ERI3: variants seen among roughly 807,000 people sequenced by gnomAD.
The protein encoded by ERI3 is ERI1 exoribonuclease 3.
A neutral mutation model predicts 44.4 loss-of-function variants in ERI3; 18 were observed. That is an observed-to-expected ratio of 0.41 (90% CI 0.28 to 0.60). ERI3 has a LOEUF of 0.60. Among genes scored for constraint, ERI3 ranks in the 20% least tolerant of loss-of-function variants. The probability of loss-of-function intolerance (pLI) is 0.36; values close to 1 mark genes in which losing one functional copy is unlikely to be tolerated. For missense variants in ERI3, 294 were observed against 435.5 expected (o/e 0.68, Z 2.89); for synonymous variants, 183 against 164.8 (o/e 1.11, Z -0.84).
At chr1:44,354,535 G>A in intron 1 of ERI3, 1 of 985,276 alleles carries the variant, frequency 1.0e-6, no homozygotes, top group Non-Finnish European at 1.2e-6. Context: ...TACTACCACC[G>A]CTTCAGATTT....
At chr1:44,314,085 T>A (rs1164059048) in intron 4 of ERI3, among the ~76,000 whole-genome samples, 1 of 151,406 alleles carries the variant, frequency 6.6e-6, no homozygotes, top group South Asian at 2.1e-4. Flanking sequence ...CCCCAGCATG[T>A]CCCTGGCTAC....
At chr1:44,319,502 G>C (rs1572269327) in intron 4 of ERI3, 126 bp downstream of exon 4, 1 of 660,628 alleles carries the variant, frequency 1.5e-6, no homozygotes, top group Non-Finnish European at 2.7e-6. Flanking sequence ...TAACTGCTAG[G>C]TCTAGTGTGC....
At chr1:44,306,464 G>A (rs1645835232) in intron 6 of ERI3, among the ~76,000 whole-genome samples, 1 of 152,142 alleles carries the variant, frequency 6.6e-6, no homozygotes, top group South Asian at 2.1e-4. Context: ...TATATGGTTG[G>A]GTTCCACAAC....
At chr1:44,335,584 A>G (rs1027735756) in intron 3 of ERI3, among the ~76,000 whole-genome samples, 1 of 151,980 alleles carries the variant, frequency 6.6e-6, no homozygotes, top group Non-Finnish European at 1.5e-5. Flanking sequence ...ACATGGAGAA[A>G]GCCGACCTCC....
chr1:44,318,270 G>C (rs1038519508), intron 4 of ERI3, among the ~76,000 whole-genome samples: 1 of 152,194 alleles, frequency 6.6e-6, no homozygotes, highest in Non-Finnish European at 1.5e-5. Flanking sequence ...GCCTGTCTAC[G>C]TAAGGACAAG....
intron 7 of ERI3, among the ~76,000 whole-genome samples, chr1:44,268,085 T>C (rs1454228784): frequency 6.6e-6 from 1 of 152,214 alleles, no homozygotes; most frequent in Non-Finnish European, 1.5e-5. Flanking sequence ...GAATTCAAAA[T>C]AATTTTTAAC....
At chr1:44,250,518 G>C (rs576539420) in intron 7 of ERI3, among the ~76,000 whole-genome samples, 2 of 152,324 alleles carry the variant, frequency 1.3e-5, no homozygotes, top group South Asian at 4.1e-4. Flanking sequence ...CTGGGCCCTT[G>C]GCAGGAAAGC....
At chr1:44,349,969 C>T (rs907850151) in intron 2 of ERI3, among the ~76,000 whole-genome samples, 2 of 152,194 alleles carry the variant, frequency 1.3e-5, no homozygotes, top group Non-Finnish European at 2.9e-5. Flanking sequence ...AAATACAATA[C>T]TTTATTTGGT....
At position 44,270,160 on chromosome 1, in the gene ERI3, C is replaced by A. The variant is rs374488243; in HGVS notation, c.831+14675G>T. ...GCAAAATCAAAAGAAGGGGAAAAAACACACACACACACAAAAGAAACCCTG... is the reference window on the plus strand; with the variant it reads ...GCAAAATCAAAAGAAGGGGAAAAAAAACACACACACACAAAAGAAACCCTG... On this transcript the variant is annotated intron_variant, in intron 7 of 8. Coordinates refer to ENST00000372257, the MANE Select transcript of ERI3 (RefSeq NM_024066.3). Among the ~76,000 whole-genome samples, 53 of 151,994 alleles carry A rather than the reference C, an allele frequency of 3.5e-4. 1 individual carries two copies. The East Asian group carries it at 7.3e-3, about 21-fold the overall frequency.
At chr1:44,232,151 C>G (rs1028262124) in intron 8 of ERI3, among the ~76,000 whole-genome samples, 2 of 152,086 alleles carry the variant, frequency 1.3e-5, no homozygotes, top group Non-Finnish European at 2.9e-5. Context: ...GTTTATTTTT[C>G]TTGCAGCTGA....
At chr1:44,260,115 C>T (rs1485549733) in intron 7 of ERI3, among the ~76,000 whole-genome samples, 2 of 152,162 alleles carry the variant, frequency 1.3e-5, no homozygotes, top group Non-Finnish European at 2.9e-5. Flanking sequence ...TCACTGAAGG[C>T]CTGCCAGAAC....
intron 7 of ERI3, among the ~76,000 whole-genome samples, chr1:44,275,201 T>C (rs924836409): frequency 3.3e-5 from 5 of 152,166 alleles, no homozygotes; most frequent in Non-Finnish European, 2.9e-5. Context: ...ATGGCCCCAG[T>C]AGAGGAGCTC....
At chr1:44,246,098 CTG>C (rs1477709291) in intron 8 of ERI3, among the ~76,000 whole-genome samples, 3 of 152,216 alleles carry the variant, frequency 2.0e-5, no homozygotes, top group Non-Finnish European at 2.9e-5. Context: ...CTCCTCAAAA[CTG>C]CAGGAAAAGT....
intron 8 of ERI3, among the ~76,000 whole-genome samples, chr1:44,226,516 G>A (rs998198394): frequency 6.6e-5 from 10 of 152,122 alleles, no homozygotes; most frequent in Non-Finnish European, 1.2e-4. Context: ...GGAAATGGAG[G>A]AGAAGATCTA....
chr1:44,299,240 T>A (rs1039538348), intron 6 of ERI3, among the ~76,000 whole-genome samples: 3 of 152,210 alleles, frequency 2.0e-5, no homozygotes, highest in African/African-American at 7.2e-5. Flanking sequence ...TGGAGTACAG[T>A]GGCACAATCA....
chr1:44,302,806 G>A (rs531428280), intron 6 of ERI3, among the ~76,000 whole-genome samples: 2 of 152,180 alleles, frequency 1.3e-5, no homozygotes. Context: ...GAAGGAGGAC[G>A]GTCAGACAGG....
At chr1:44,282,321 A>T (rs139391750) in intron 7 of ERI3, among the ~76,000 whole-genome samples, 18 of 152,212 alleles carry the variant, frequency 1.2e-4, no homozygotes, top group African/African-American at 4.3e-4. Context: ...TCAAGGAGTA[A>T]TGCTCTGCTG....
intron 5 of ERI3, 95 bp from the exon 6 acceptor site, chr1:44,308,496 C>A: frequency 1.0e-6 from 1 of 967,996 alleles, no homozygotes; most frequent in East Asian, 2.4e-5. Flanking sequence ...TGCTTGTAAT[C>A]AGAACAGGAG....
intron 8 of ERI3, among the ~76,000 whole-genome samples, chr1:44,230,750 C>G (rs1644163266): frequency 6.6e-6 from 1 of 152,206 alleles, no homozygotes; most frequent in South Asian, 2.1e-4. Flanking sequence ...ACCTCTATAT[C>G]CTGACCTTTT....
Sources: gnomAD v4.1 joint callset for allele counts (sites outside exome capture counted in the v4.1 genomes callset) on GRCh38, gnomAD v4.1.1 for gene constraint, MANE v1.5 for transcripts, NCBI Gene and HGNC (gene_info 2026-07-23, HGNC 2026-07-21) for gene names.